The following SHANK2 variants were observed in gnomAD, a reference collection of about 807,000 sequenced individuals.
SHANK2 encodes the protein SH3 and multiple ankyrin repeat domains protein 2.
Under a neutral mutation model 133.7 loss-of-function variants are expected in SHANK2, and 43 were observed. The observed-to-expected ratio is 0.32, with a 90% CI of 0.25 to 0.41. The LOEUF is 0.41. SHANK2 is among the 10% of genes least tolerant of loss of function. The probability of loss-of-function intolerance (pLI) is 1.00; values close to 1 mark genes in which losing one functional copy is unlikely to be tolerated. For synonymous variants in SHANK2, 1,017 were observed against 952.8 expected (o/e 1.07, Z -1.24); for missense variants, 1,994 against 2,235.8 (o/e 0.89, Z 2.18).
At position 71,183,337 on chromosome 11, in the gene SHANK2, C is replaced by T. The variant is rs1953601146; in HGVS notation, c.-12-35999G>A. Among the ~76,000 whole-genome samples the T allele has an allele frequency of 2.6e-5, 4 of 152,268 alleles. No individual in the cohort carries two copies. The South Asian group carries it at 6.2e-4, about 24-fold the overall frequency. On this transcript the variant is annotated intron_variant, in intron 2 of 25. Transcript: ENST00000601538. ...CATGCTGTGGGTGAAACTCACTCTCCCCCGGGTGAGCAGAGAGGGGCTCCT... is the reference window on the plus strand; with the variant it reads ...CATGCTGTGGGTGAAACTCACTCTCTCCCGGGTGAGCAGAGAGGGGCTCCT...
chr11:70,629,807 T>G (rs2060958084), intron 17 of SHANK2, among the ~76,000 whole-genome samples: 1 of 152,092 alleles, frequency 6.6e-6, no homozygotes, highest in Non-Finnish European at 1.5e-5. Context: ...TTTCCCCAAG[T>G]GTGCAATGAA....
At chr11:71,105,465 C>T (rs990374280) in intron 6 of SHANK2, among the ~76,000 whole-genome samples, 2 of 151,672 alleles carry the variant, frequency 1.3e-5, no homozygotes, top group African/African-American at 4.8e-5. Context: ...TGGTGGTGCA[C>T]GTCTATAATC....
chr11:70,621,381 G>A (rs1554997795), intron 17 of SHANK2, among the ~76,000 whole-genome samples: 1 of 152,248 alleles, frequency 6.6e-6, no homozygotes, highest in Admixed American at 6.5e-5. Flanking sequence ...AGACCAGCTT[G>A]GAGCCCAGCA....
At chr11:70,871,268 G>A (rs533814247) in intron 11 of SHANK2, among the ~76,000 whole-genome samples, 13 of 152,304 alleles carry the variant, frequency 8.5e-5, no homozygotes, top group South Asian at 2.1e-4. Flanking sequence ...GTCTGGGCTC[G>A]CCTGGTGGCA....
intron 17 of SHANK2, among the ~76,000 whole-genome samples, chr11:70,514,437 T>C (rs1313944126): frequency 6.6e-6 from 1 of 152,220 alleles, no homozygotes; most frequent in African/African-American, 2.4e-5. Flanking sequence ...GTGCCACAAA[T>C]GGTGAACACC....
At chr11:71,167,165 T>C (rs1485445311) in intron 2 of SHANK2, among the ~76,000 whole-genome samples, 1 of 152,142 alleles carries the variant, frequency 6.6e-6, no homozygotes, top group East Asian at 1.9e-4. Flanking sequence ...CAGAACAAAA[T>C]GAAAAGTCTC....
At chr11:71,151,651 G>C (rs1238207975) in intron 2 of SHANK2, among the ~76,000 whole-genome samples, 4 of 152,198 alleles carry the variant, frequency 2.6e-5, no homozygotes, top group African/African-American at 9.7e-5. Context: ...GTGTGGTAGC[G>C]AGGCCAGCCT....
At chr11:71,247,642 G>A (rs1225631504) in intron 1 of SHANK2, among the ~76,000 whole-genome samples, 2 of 152,090 alleles carry the variant, frequency 1.3e-5, no homozygotes, top group Non-Finnish European at 2.9e-5. Context: ...GCAACTCAGG[G>A]CTGCTCCAGC....
chr11:70,645,047 C>A (rs1555007759), intron 17 of SHANK2, among the ~76,000 whole-genome samples: 3 of 152,032 alleles, frequency 2.0e-5, no homozygotes, highest in South Asian at 2.1e-4. Flanking sequence ...CATGGTGAAA[C>A]CCAGTCTTTA....
At chr11:70,748,989 C>A (rs376575083) in intron 14 of SHANK2, among the ~76,000 whole-genome samples, 2 of 132,324 alleles carry the variant, frequency 1.5e-5, no homozygotes, top group Non-Finnish European at 3.2e-5. Flanking sequence ...ACGAATCCCC[C>A]CCATCACACA....
Position 70,659,960 on chromosome 11 carries a change from GA to G in SHANK2, c.1937-9del, listed in dbSNP as rs1362270797. 7 of 1,614,088 alleles carry G rather than the reference GA, an allele frequency of 4.3e-6. No homozygotes were observed. The highest frequency in any genetic ancestry group is 4.2e-6 in the Non-Finnish European group (5 of 1,180,048). ...CTTCAATGGGTGTGTCAGCTGGGAAGACAAGCAGCACCTGGTTACAAGCCTG... is the reference window on the plus strand; with the variant it reads ...CTTCAATGGGTGTGTCAGCTGGGAAGCAAGCAGCACCTGGTTACAAGCCTG... On this transcript the variant is annotated splice_polypyrimidine_tract_variant and intron_variant, in intron 16 of 25. Transcript: ENST00000601538.
At chr11:71,102,683 T>G (rs551048736) in intron 6 of SHANK2, among the ~76,000 whole-genome samples, 22 of 152,332 alleles carry the variant, frequency 1.4e-4, no homozygotes, top group Admixed American at 5.2e-4. Flanking sequence ...GACCTGGGCC[T>G]GCCTGGGTCA....
intron 17 of SHANK2, among the ~76,000 whole-genome samples, chr11:70,602,334 A>G (rs965771909): frequency 1.3e-5 from 2 of 152,226 alleles, no homozygotes; most frequent in Non-Finnish European, 2.9e-5. Context: ...GGCCTAATGC[A>G]ACTCCCTGCA....
chr11:70,892,356 T>C (rs481498), intron 11 of SHANK2, among the ~76,000 whole-genome samples: 5 of 149,132 alleles, frequency 3.4e-5, no homozygotes, highest in African/African-American at 1.3e-4. Context: ...CTAACTATGG[T>C]GGGGGGGACT....
At chr11:70,835,291 T>G (rs2135411288) in intron 11 of SHANK2, among the ~76,000 whole-genome samples, 1 of 152,232 alleles carries the variant, frequency 6.6e-6, no homozygotes, top group South Asian at 2.1e-4. Flanking sequence ...TGAGTGACTG[T>G]GGATACCTGG....
At chr11:70,632,392 G>A (rs1402085864) in intron 17 of SHANK2, among the ~76,000 whole-genome samples, 12 of 151,906 alleles carry the variant, frequency 7.9e-5, no homozygotes, top group Non-Finnish European at 1.0e-4. Flanking sequence ...CCCAACTGGC[G>A]GACTTTTAAG....
intron 17 of SHANK2, among the ~76,000 whole-genome samples, chr11:70,521,730 C>A (rs1405777635): frequency 9.9e-5 from 15 of 152,160 alleles, no homozygotes; most frequent in Middle Eastern, 3.2e-3. Context: ...ATTCCCTCCC[C>A]ACCTTCCTTG....
At chr11:71,060,586 C>T (rs982942405) in intron 9 of SHANK2, among the ~76,000 whole-genome samples, 1 of 152,218 alleles carries the variant, frequency 6.6e-6, no homozygotes, top group Non-Finnish European at 1.5e-5. Flanking sequence ...AAGGCAGAGG[C>T]GGCTTCTGTC....
rs138266629 is a variant in SHANK2 at position 70,746,551 on chromosome 11, G to A, written c.1778-47788C>T. Among the ~76,000 whole-genome samples, 740 of 148,222 alleles carry A rather than the reference G, an allele frequency of 5.0e-3. 3 individuals are homozygous for A. The highest frequency in any genetic ancestry group is 0.016 in the African/African-American group (635 of 39,792). On this transcript the variant is annotated intron_variant, in intron 14 of 25. Transcript: ENST00000601538. Reference sequence around the variant, plus strand: ...GCATCTCCTCTCCCACCACTCTCCCGCTTCTCCAGGACGGGAAGGCTGGGC... The same window carrying A: ...GCATCTCCTCTCCCACCACTCTCCCACTTCTCCAGGACGGGAAGGCTGGGC...
Sources: gnomAD v4.1 joint callset for allele counts (sites outside exome capture counted in the v4.1 genomes callset) on GRCh38, gnomAD v4.1.1 for gene constraint, MANE v1.5 for transcripts, NCBI Gene and HGNC (gene_info 2026-07-23, HGNC 2026-07-21) for gene names.